CHD7: variants seen among roughly 807,000 people sequenced by gnomAD.
CHD7 encodes the protein ATP-dependent chromatin remodeler CHD7.
Under a neutral mutation model 307.3 loss-of-function variants are expected in CHD7, and 24 were observed. The observed-to-expected ratio is 0.08, with a 90% CI of 0.06 to 0.11. The LOEUF is 0.11. Ranked by LOEUF, CHD7 falls within the 10% of genes least tolerant of loss-of-function variation. The pLI, the probability that CHD7 is intolerant of heterozygous loss-of-function variation, is 1.00. For synonymous variants in CHD7, 1,363 were observed against 1,349.9 expected (o/e 1.01, Z -0.21); for missense variants, 3,106 against 3,727.1 (o/e 0.83, Z 4.34).
chr8:60,697,705 A>T (rs1276338746), intron 1 of CHD7, among the ~76,000 whole-genome samples: 1 of 152,268 alleles, frequency 6.6e-6, no homozygotes, highest in Non-Finnish European at 1.5e-5. Context: ...CTCAGTTTGC[A>T]GTCACCTGTA....
At chr8:60,782,976 T>C (rs1811328126) in intron 3 of CHD7, among the ~76,000 whole-genome samples, 1 of 152,172 alleles carries the variant, frequency 6.6e-6, no homozygotes, top group Admixed American at 6.5e-5. Context: ...TAATCTTTTT[T>C]CTTTAACTTA....
intron 7 of CHD7, 143 bp from the exon 8 acceptor site, chr8:60,816,244 G>A (rs1203393782): frequency 1.7e-5 from 10 of 577,052 alleles, no homozygotes; most frequent in African/African-American, 1.4e-4. Flanking sequence ...ACAGTGGTGG[G>A]TATATTAAAT....
chr8:60,800,354 A>G (rs982558365), intron 4 of CHD7, 34 bp from the exon 5 acceptor site: 2 of 1,603,560 alleles, frequency 1.2e-6, no homozygotes, highest in Admixed American at 3.4e-5. Context: ...TTAATCATTA[A>G]TTTCAAGGCC....
In CHD7 at chr8:60,867,664, A is replaced by C. The variant is rs774630532; in HGVS notation, c.*1731A>C. The C allele has an allele frequency of 2.6e-5, 4 of 152,172 alleles. No individual in the cohort carries two copies. The highest frequency in any genetic ancestry group is 4.8e-5 in the African/African-American group (2 of 41,424). The allele number at this position is 152,172 out of a possible 1,614,324, so 9.4% of individuals were successfully genotyped here. The stretch of plus-strand genomic sequence containing the variant: ...GGACGTCCGCACACAGTCCACCTCC[A>C]GCCAGTGTGCTGCCAGACAGGTGGT... On this transcript the variant is annotated 3_prime_UTR_variant, in exon 38 of 38. Transcript: ENST00000423902.
rs778676629 is a variant in CHD7, at chr8:60,850,641, A to C, written c.5534+19A>C. On this transcript the variant is annotated intron_variant, in intron 26 of 37. Coordinates refer to ENST00000423902, the MANE Select transcript of CHD7 (RefSeq NM_017780.4). ...GTGACGGGTAAGAAGGACATTTTAA[A>C]ATTTGAATAAACTTTATGTCAGTTT... is the stretch of plus-strand genomic sequence containing the variant. 1.3e-5 allele frequency: 20 copies of C among 1,597,182 alleles called. No homozygotes were observed. Among genetic ancestry groups the C allele is most frequent in the Non-Finnish European group, 1.7e-5 (20 of 1,171,442 alleles).
intron 1 of CHD7, among the ~76,000 whole-genome samples, chr8:60,684,990 G>C (rs1224025922): frequency 6.6e-6 from 1 of 152,106 alleles, no homozygotes. Flanking sequence ...TAGGACTTGG[G>C]GATAGATGCG....
intron 21 of CHD7, among the ~76,000 whole-genome samples, chr8:60,842,693 A>T (rs1207648602): frequency 6.7e-6 from 1 of 148,740 alleles, no homozygotes; most frequent in South Asian, 2.1e-4. Context: ...AACTCCTGTT[A>T]AAAAAAAAAC....
At chr8:60,759,444 T>C (rs1008923929) in intron 2 of CHD7, among the ~76,000 whole-genome samples, 3 of 149,868 alleles carry the variant, frequency 2.0e-5, no homozygotes, top group Non-Finnish European at 4.5e-5. Flanking sequence ...CCGCTCTCTG[T>C]CTCCCTCTCT....
At chr8:60,709,594 A>G (rs997401869) in intron 1 of CHD7, among the ~76,000 whole-genome samples, 1 of 152,214 alleles carries the variant, frequency 6.6e-6, no homozygotes, top group Admixed American at 6.5e-5. Flanking sequence ...ATCAAGTCCA[A>G]TCTGACACAT....
chr8:60,685,714 A>G (rs1805850189), intron 1 of CHD7, among the ~76,000 whole-genome samples: 1 of 152,228 alleles, frequency 6.6e-6, no homozygotes, highest in Non-Finnish European at 1.5e-5. Context: ...TAATAAGTAA[A>G]TTACCTTCAA....
At chr8:60,763,058 G>A (rs1810300474) in intron 2 of CHD7, among the ~76,000 whole-genome samples, 1 of 152,144 alleles carries the variant, frequency 6.6e-6, no homozygotes, top group African/African-American at 2.4e-5. Flanking sequence ...AGAAATGGGA[G>A]TCATGCTGGG....
At position 60,742,983 on chromosome 8, in the gene CHD7, G is replaced by A. The variant is rs1278672415; in HGVS notation, c.1551G>A (p.Leu517=). The A allele has an allele frequency of 1.2e-6, 2 of 1,613,668 alleles. No individual in the cohort carries two copies. Among genetic ancestry groups the A allele is most frequent in the Non-Finnish European group, 1.7e-6 (2 of 1,179,776 alleles). The change falls in exon 2 of 38, where the codon CTG becomes CTA. Residue 517 remains leucine, a synonymous_variant. Transcript: ENST00000423902. ...AGCAGTTGCCAACCTGTCCTCCACT[G>A]CAGCCTCACCCGGGCTTGCACCACC... ...SFQQLPTCPP[L]QPHPGLHHQS...
At chr8:60,794,457 A>C (rs1811922450) in intron 3 of CHD7, among the ~76,000 whole-genome samples, 1 of 152,212 alleles carries the variant, frequency 6.6e-6, no homozygotes, top group Non-Finnish European at 1.5e-5. Flanking sequence ...TACTAAAATT[A>C]TGTACAACAG....
In CHD7 at chr8:60,828,821, C is replaced by G. The variant is rs1407022842; in HGVS notation, c.3522+15C>G. ...CAGAAGAGCAGGTATTTATCAGCTC[C>G]ACTTTGTATTTCAGTTATAAAATTG... On this transcript the variant is annotated intron_variant, in intron 14 of 37. Coordinates refer to ENST00000423902, the MANE Select transcript of CHD7 (RefSeq NM_017780.4). 1 of 1,606,880 alleles carries G rather than the reference C, an allele frequency of 6.2e-7. No homozygotes were observed. Among genetic ancestry groups the G allele is most frequent in the Non-Finnish European group, 8.5e-7 (1 of 1,174,916 alleles).
At chr8:60,708,202 T>G (rs16926426) in intron 1 of CHD7, among the ~76,000 whole-genome samples, 7,260 of 152,272 alleles carry the variant, frequency 0.048, 588 homozygotes, top group African/African-American at 0.16. Context: ...ACACTGGGAA[T>G]GGTGACAGCT....
chr8:60,680,367 C>T (rs1278661157), intron 1 of CHD7, among the ~76,000 whole-genome samples: 1 of 99,558 alleles, frequency 1.0e-5, no homozygotes, highest in Non-Finnish European at 1.9e-5. Flanking sequence ...CGGTGCGGGG[C>T]GGGCGCGGCG....
chr8:60,856,124 C>T lies in CHD7; in HGVS notation c.7086C>T (p.Ser2362=), dbSNP rs757280832. 4.8e-5 allele frequency: 78 copies of T among 1,609,968 alleles called. No individual in the cohort carries two copies. Among genetic ancestry groups the T allele is most frequent in the Non-Finnish European group, 6.4e-5 (75 of 1,178,108 alleles). Residue 2362 remains serine, a synonymous_variant, in exon 33 of 38, where the codon AGC becomes AGT. Transcript: ENST00000423902. ...TTVDSPLQKR[S]FAELSMVGQA... ...TGGACAGCCCCTTGCAGAAGAGGAG[C>T]TTTGCTGAGCTCTCCATGGTCGGCC...
rs117317413 is a variant in CHD7, at chr8:60,768,931, C to T, written c.1666-12069C>T. On this transcript the variant is annotated intron_variant, in intron 2 of 37. Coordinates refer to ENST00000423902, the MANE Select transcript of CHD7 (RefSeq NM_017780.4). ...TGACTAAGTACATTCTTATTCATCA[C>T]CCCAAATTGTATTTTAAATGAGAAT... 6.7e-3 allele frequency among the ~76,000 whole-genome samples: 1,020 copies of T among 152,208 alleles called. 3 individuals are homozygous for T. The highest frequency in any genetic ancestry group is 0.017 in the Middle Eastern group (5 of 294).
rs760059830 is a variant in CHD7, at chr8:60,856,148, C to A, written c.7110C>A (p.Gly2370=). 6.2e-7 allele frequency: 1 copy of A among 1,607,326 alleles called. No individual in the cohort carries two copies. The highest frequency in any genetic ancestry group is 8.5e-7 in the Non-Finnish European group (1 of 1,176,764). ...GCTTTGCTGAGCTCTCCATGGTCGG[C>A]CAAGCCAGCATTAGTGGGAGTGAGG... ...KRSFAELSMV[G]QASISGSEDI... The change falls in exon 33 of 38, where the codon GGC becomes GGA. Residue 2370 remains glycine (G), a synonymous_variant. Transcript: ENST00000423902.
Sources: gnomAD v4.1 joint callset for allele counts (sites outside exome capture counted in the v4.1 genomes callset) on GRCh38, gnomAD v4.1.1 for gene constraint, MANE v1.5 for transcripts, NCBI Gene and HGNC (gene_info 2026-07-23, HGNC 2026-07-21) for gene names.